HECTD2: variants seen among roughly 807,000 people sequenced by gnomAD.
HECTD2 encodes the protein probable E3 ubiquitin-protein ligase HECTD2.
Under a neutral mutation model 103.2 loss-of-function variants are expected in HECTD2, and 35 were observed. That is an observed-to-expected ratio of 0.34 (90% CI 0.26 to 0.45). The LOEUF is 0.45. Ranked by LOEUF, HECTD2 falls within the 20% of genes least tolerant of loss-of-function variation. The pLI, the probability that HECTD2 is intolerant of heterozygous loss-of-function variation, is 1.00. For missense variants in HECTD2, 596 were observed against 937.4 expected, an observed-to-expected ratio of 0.64 and a Z score of 4.76; for synonymous variants, 281 against 329.9, an observed-to-expected ratio of 0.85 and a Z score of 1.61.
At chr10:91,483,991 A>G (rs1589531166) in intron 8 of HECTD2, 1 of 222,538 alleles carries the variant, frequency 4.5e-6, no homozygotes, top group African/African-American at 2.3e-5. Context: ...CCATTTTGAA[A>G]TTGCAAAATC....
chr10:91,491,346 A>C (rs774067778), intron 12 of HECTD2, 39 bp downstream of exon 12: 11 of 906,140 alleles, frequency 1.2e-5, no homozygotes, highest in Admixed American at 7.2e-5. Context: ...TAAAGCTTAA[A>C]ATTCTATAAT....
upstream of HECTD2, among the ~76,000 whole-genome samples, chr10:91,409,725 T>C (rs900374861): frequency 8.5e-5 from 13 of 152,212 alleles, no homozygotes; most frequent in Admixed American, 7.8e-4. Flanking sequence ...AGGAAGGCTG[T>C]CTCCCCGGGC....
intron 2 of HECTD2, among the ~76,000 whole-genome samples, chr10:91,457,851 GC>G (rs1845173104): frequency 6.6e-6 from 1 of 151,778 alleles, no homozygotes; most frequent in East Asian, 1.9e-4. Flanking sequence ...AAGACTTAGT[GC>G]TTTCCCTTTT....
At chr10:91,482,867 A>C in intron 7 of HECTD2, 100 bp from the exon 8 acceptor site, 1 of 497,938 alleles carries the variant, frequency 2.0e-6, no homozygotes. Flanking sequence ...ATAATCTCAA[A>C]TTTTGTTTCC....
chr10:91,456,361 AT>A (rs1845092608), intron 2 of HECTD2, among the ~76,000 whole-genome samples: 1 of 151,962 alleles, frequency 6.6e-6, no homozygotes, highest in Non-Finnish European at 1.5e-5. Flanking sequence ...TTCACTCATG[AT>A]TTGGCTCTCT....
chr10:91,492,105 G>A (rs1408369963), intron 12 of HECTD2, among the ~76,000 whole-genome samples: 1 of 152,148 alleles, frequency 6.6e-6, no homozygotes, highest in Non-Finnish European at 1.5e-5. Context: ...TTTGAAGGCA[G>A]TAGATACCAG....
At chr10:91,421,062 T>A (rs957242878) in intron 1 of HECTD2, among the ~76,000 whole-genome samples, 1 of 152,188 alleles carries the variant, frequency 6.6e-6, no homozygotes, top group African/African-American at 2.4e-5. Context: ...TCCCCTTCAG[T>A]AAAGCTTCTG....
At chr10:91,496,144 CTG>C (rs1469250592) in intron 14 of HECTD2, 68 bp from the exon 15 acceptor site, 67 of 1,007,922 alleles carry the variant, frequency 6.6e-5, no homozygotes, top group Non-Finnish European at 9.2e-5. Flanking sequence ...AAAAAATAGA[CTG>C]ATGCATAATT....
chr10:91,477,887 C>A (rs1845965051), intron 5 of HECTD2, among the ~76,000 whole-genome samples: 1 of 152,132 alleles, frequency 6.6e-6, no homozygotes. Context: ...GATTCTTGTT[C>A]ATTACTCTGT....
At chr10:91,493,936 A>G (rs955897545) in intron 14 of HECTD2, among the ~76,000 whole-genome samples, 8 of 152,080 alleles carry the variant, frequency 5.3e-5, no homozygotes, top group Admixed American at 3.9e-4. Context: ...ATCCTGAAAC[A>G]TAAAGGAAGC....
At chr10:91,474,103 A>G (rs1190642070) in intron 5 of HECTD2, among the ~76,000 whole-genome samples, 1 of 152,228 alleles carries the variant, frequency 6.6e-6, no homozygotes, top group Non-Finnish European at 1.5e-5. Flanking sequence ...AAAGAGTAGA[A>G]TATTAACTTT....
intron 1 of HECTD2, among the ~76,000 whole-genome samples, chr10:91,420,357 A>G (rs1843303389): frequency 6.6e-6 from 1 of 151,496 alleles, no homozygotes; most frequent in Non-Finnish European, 1.5e-5. Flanking sequence ...AGGCCGAGGC[A>G]GGTAGATCAT....
At chr10:91,433,472 A>G (rs1330471615) in intron 2 of HECTD2, among the ~76,000 whole-genome samples, 3 of 151,978 alleles carry the variant, frequency 2.0e-5, no homozygotes, top group Non-Finnish European at 4.4e-5. Flanking sequence ...TGTATTCTAG[A>G]TATCTTTCTG....
intron 1 of HECTD2, among the ~76,000 whole-genome samples, chr10:91,418,907 T>A (rs539043312): frequency 3.5e-4 from 53 of 152,306 alleles, no homozygotes; most frequent in African/African-American, 1.3e-3. Flanking sequence ...TTGCTCAGTA[T>A]CTCAGGAAGC....
At chr10:91,457,446 A>T (rs768197584) in intron 2 of HECTD2, among the ~76,000 whole-genome samples, 5 of 151,934 alleles carry the variant, frequency 3.3e-5, no homozygotes, top group Non-Finnish European at 7.4e-5. Context: ...ATTCAGCAAT[A>T]TGTAAAAAGA....
intron 1 of HECTD2, 83 bp downstream of exon 1, chr10:91,410,659 C>T: frequency 8.1e-7 from 1 of 1,241,468 alleles, no homozygotes; most frequent in Admixed American, 4.2e-5. Context: ...CGTCAGGAGG[C>T]CTGCGTTTAC....
chr10:91,493,358 T>C, intron 13 of HECTD2, 62 bp from the exon 14 acceptor site: 1 of 810,888 alleles, frequency 1.2e-6, no homozygotes. Context: ...TGTACATGTT[T>C]ACCACTTTGA....
chr10:91,420,592 GAAAAAAAA>G (rs770680688), intron 1 of HECTD2, among the ~76,000 whole-genome samples: 7 of 105,140 alleles, frequency 6.7e-5, no homozygotes, highest in South Asian at 3.0e-4. Context: ...TATCTCAAAA[GAAAAAAAA>G]AAAAAGAAAA....
chr10:91,455,312 T>A (rs1257075095), intron 2 of HECTD2, among the ~76,000 whole-genome samples: 3 of 152,228 alleles, frequency 2.0e-5, no homozygotes, highest in African/African-American at 7.2e-5. Context: ...TGCATTTCTC[T>A]GATGGCCAAT....
Sources: allele counts gnomAD v4.1 joint callset (sites outside exome capture counted in the v4.1 genomes callset), GRCh38; gene constraint gnomAD v4.1.1; transcripts MANE v1.5; gene names NCBI Gene and HGNC (gene_info 2026-07-23, HGNC 2026-07-21).